Variants in APOA5 observed in about 807,000 individuals in gnomAD.
APOA5 encodes the protein apolipoprotein A5, also known as apolipoprotein A-V.
In APOA5, 26 loss-of-function variants were observed where a neutral mutation model predicts 31.8. The observed-to-expected ratio is 0.82, with a 90% CI of 0.60 to 1.13. The LOEUF is 1.13. Ranked by LOEUF, APOA5 falls within the 50% of genes most tolerant of loss-of-function variation. The pLI is 0.00. For missense variants in APOA5, 450 were observed against 488.0 expected, an observed-to-expected ratio of 0.92 and a Z score of 0.73; for synonymous variants, 186 against 198.5, an observed-to-expected ratio of 0.94 and a Z score of 0.53.
chr11:116,791,801 C>T lies in APOA5; in HGVS notation c.49+11G>A. 2 of 1,614,180 alleles carry T rather than the reference C, an allele frequency of 1.2e-6. No homozygotes were observed. The highest frequency in any genetic ancestry group is 1.7e-6 in the Non-Finnish European group (2 of 1,180,036). ...CACACCCCCACGTTGAAGTCAGGGTCGGAGACCCACCTGAAAGAAGAGCCA... is the reference window on the plus strand; with the variant it reads ...CACACCCCCACGTTGAAGTCAGGGTTGGAGACCCACCTGAAAGAAGAGCCA... On this transcript the variant is annotated intron_variant, in intron 1 of 2. Coordinates refer to ENST00000227665, the MANE Select transcript of APOA5 (RefSeq NM_001371904.1).
chr11:116,790,041 C>G lies in APOA5; in HGVS notation c.*87G>C. The G allele has an allele frequency of 1.4e-6, 2 of 1,444,018 alleles. No individual in the cohort carries two copies. Among genetic ancestry groups the G allele is most frequent in the Non-Finnish European group, 1.9e-6 (2 of 1,048,104 alleles). 89.5% of individuals were successfully genotyped at this position (1,444,018 alleles called of 1,614,324 possible). ...GACCTTCCACCCTCCACCCAACAGG[C>G]CACTTTCAAGGACTGAACCATGCTA... On this transcript the variant is annotated 3_prime_UTR_variant, in exon 3 of 3. Coordinates refer to ENST00000227665, the MANE Select transcript of APOA5 (RefSeq NM_001371904.1).
rs1940970525 is a variant in APOA5 at position 116,790,224 on chromosome 11, C to G, written c.1005G>C (p.Lys335Asn). The change falls in exon 3 of 3, where the codon AAG becomes AAC. Residue 335 changes from lysine (K) to asparagine (N), a missense_variant. Physicochemically the swap from Lys to Asn is moderately conservative, Grantham distance 94. Transcript: ENST00000227665. Reference protein sequence around the residue: ...APEFQQTDSGKVLSKLQARLD... With the variant: ...APEFQQTDSGNVLSKLQARLD... The stretch of plus-strand genomic sequence containing the variant: ...GACGGGCCTGCAGCTTGCTCAGAAC[C>G]TTGCCACTGTCTGTTTGTTGAAACT... 2 of 1,614,272 alleles carry G rather than the reference C, an allele frequency of 1.2e-6. No homozygotes were observed. The highest frequency in any genetic ancestry group is 2.2e-5 in the East Asian group (1 of 44,884).
Position 116,790,730 on chromosome 11 carries a change from C to G in APOA5, c.499G>C (p.Asp167His). 1 of 1,613,118 alleles carries G rather than the reference C, an allele frequency of 6.2e-7. No homozygotes were observed. The highest frequency in any genetic ancestry group is 8.5e-7 in the Non-Finnish European group (1 of 1,179,968). Residue 167 changes from aspartate (D) to histidine (H), a missense_variant, in exon 3 of 3, where the codon GAC becomes CAC. Physicochemically the swap from Asp to His is moderately conservative, Grantham distance 81 (BLOSUM62 -1). Coordinates refer to ENST00000227665, the MANE Select transcript of APOA5 (RefSeq NM_001371904.1). ...CCCTGCAGCAAAGCCCAAGCCTCGTCCACGCCCCCCAGCAACTGGGCCTTG... is the reference window on the plus strand; with the variant it reads ...CCCTGCAGCAAAGCCCAAGCCTCGTGCACGCCCCCCAGCAACTGGGCCTTG... ...DTKAQLLGGV[D>H]EAWALLQGLQ...
chr11:116,790,869 C>G lies in APOA5; in HGVS notation c.360G>C (p.Trp120Cys), dbSNP rs770946707. The G allele has an allele frequency of 1.9e-6, 3 of 1,613,786 alleles. No individual in the cohort carries two copies. In the Admixed American group the frequency reaches 5.0e-5, roughly 27 times the overall value. Residue 120 changes from tryptophan (W) to cysteine (C), a missense_variant, in exon 3 of 3, where the codon TGG becomes TGC. Coordinates refer to ENST00000227665, the MANE Select transcript of APOA5 (RefSeq NM_001371904.1). ...YMAEAHELVG[W>C]NLEGLRQQLK... The stretch of plus-strand genomic sequence containing the variant: ...GTTGCTGCCGCAAGCCCTCCAAATT[C>G]CAGCCCACCAGCTCGTGCGCCTCTG...
chr11:116,790,360 T>C lies in APOA5; in HGVS notation c.869A>G (p.Gln290Arg). ...EVRQRLQAFR[Q>R]DTYLQIAAFT... The stretch of plus-strand genomic sequence containing the variant: ...GGCAGCTATCTGCAGGTAGGTGTCC[T>C]GGCGGAAAGCCTGAAGTCGCTGGCG... Residue 290 changes from glutamine (Q) to arginine (R), a missense_variant, in exon 3 of 3, where the codon CAG becomes CGG. Gln to Arg is a conservative substitution (Grantham distance 43). Coordinates refer to ENST00000227665, the MANE Select transcript of APOA5 (RefSeq NM_001371904.1). The C allele has an allele frequency of 6.2e-7, 1 of 1,613,794 alleles. No individual in the cohort carries two copies. Among genetic ancestry groups the C allele is most frequent in the South Asian group, 1.1e-5 (1 of 91,092 alleles).
At chr11:116,791,206 A>C (rs1941004921) in intron 2 of APOA5, 139 bp from the exon 3 acceptor site, 1 of 773,910 alleles carries the variant, frequency 1.3e-6, no homozygotes, top group South Asian at 1.5e-5. Context: ...CTCTTGTCCT[A>C]GCCCTGGCCA....
chr11:116,791,879 A>G lies in APOA5; in HGVS notation c.-19T>C, dbSNP rs1435609924. The G allele has an allele frequency of 6.2e-7, 1 of 1,613,924 alleles. No individual in the cohort carries two copies. Among genetic ancestry groups the G allele is most frequent in the Non-Finnish European group, 8.5e-7 (1 of 1,179,872 alleles). On this transcript the variant is annotated 5_prime_UTR_variant, in exon 1 of 3. Coordinates refer to ENST00000227665, the MANE Select transcript of APOA5 (RefSeq NM_001371904.1). ...TTGCCATTACCTGCTCTGAGAAGAC[A>G]GGTGGAGGGAGGCCTGGTTAGGGGA...
At position 116,790,154 on chromosome 11, in the gene APOA5, C is replaced by T. The variant is rs774294731; in HGVS notation, c.1075G>A (p.Gly359Ser). 1 of 1,614,112 alleles carries T rather than the reference C, an allele frequency of 6.2e-7. No individual in the cohort carries two copies. Among genetic ancestry groups the T allele is most frequent in the African/African-American group, 1.3e-5 (1 of 74,950 alleles). ...EDITHSLHDQ[G>S]HSHLGDP is the part of the protein sequence containing the mutation. ...CAGGGGTCCCCCAGATGGCTGTGGC[C>T]CTGGTCATGAAGGCTGTGAGTGATG... Residue 359 changes from glycine to serine, a missense_variant, in exon 3 of 3, where the codon GGC (glycine) becomes AGC (serine). Transcript: ENST00000227665.
In APOA5 at chr11:116,791,658, T is replaced by A. The variant is rs1941015800; in HGVS notation, c.89A>T (p.Tyr30Phe). ...TTTGTCCCCGCTGGTCTGGCTGAAG[T>A]AGTCCCAGAAGCCTTTCCGTGCCTG... ...ATQARKGFWD[Y>F]FSQTSGDKGR... The change falls in exon 2 of 3, where the codon TAC becomes TTC. Residue 30 changes from tyrosine (Y) to phenylalanine (F), a missense_variant. Coordinates refer to ENST00000227665, the MANE Select transcript of APOA5 (RefSeq NM_001371904.1). The A allele has an allele frequency of 6.2e-7, 1 of 1,610,752 alleles. No homozygotes were observed. The highest frequency in any genetic ancestry group is 1.3e-5 in the African/African-American group (1 of 74,836).
At chr11:116,792,128 T>C (rs1187008534), upstream of APOA5, among the ~76,000 whole-genome samples, 1 of 152,122 alleles carries the variant, frequency 6.6e-6, no homozygotes, top group Non-Finnish European at 1.5e-5. Flanking sequence ...CGTGGTGCTC[T>C]AACCCCTTCG....
chr11:116,790,955 T>G lies in APOA5; in HGVS notation c.274A>C (p.Met92Leu). Residue 92 changes from methionine (M) to leucine (L), a missense_variant, in exon 3 of 3, where the codon ATG becomes CTG. By Grantham distance (15) the Met-to-Leu change is conservative. Coordinates refer to ENST00000227665, the MANE Select transcript of APOA5 (RefSeq NM_001371904.1). ...APRLPQDPVGMRRQLQEELEE... is the reference protein window; with the variant it reads ...APRLPQDPVGLRRQLQEELEE... ...AACTCCTCCTGCAGCTGCCGCCGCA[T>G]GCCCACCGGGTCCTGTGGGAGCCGA... 6.2e-7 allele frequency: 1 copy of G among 1,613,208 alleles called. No individual in the cohort carries two copies. Among genetic ancestry groups the G allele is most frequent in the African/African-American group, 1.3e-5 (1 of 75,070 alleles).
upstream of APOA5, chr11:116,792,409 A>T (rs1941029544): frequency 5.0e-6 from 1 of 200,560 alleles, no homozygotes; most frequent in Admixed American, 5.3e-5. Flanking sequence ...GAGAGCAGAC[A>T]TTCTGCTTTA....
At chr11:116,791,534 A>G (rs1333187027) in intron 2 of APOA5, 52 bp downstream of exon 2, 6 of 1,525,360 alleles carry the variant, frequency 3.9e-6, no homozygotes, top group East Asian at 4.9e-5. Context: ...TCATCATGGC[A>G]TGGCCCAGCT....
At chr11:116,791,144 CTG>C (rs1565325286) in intron 2 of APOA5, 77 bp from the exon 3 acceptor site, 1 of 1,299,892 alleles carries the variant, frequency 7.7e-7, no homozygotes, top group East Asian at 2.5e-5. Flanking sequence ...TCATCGCGCA[CTG>C]ATCCTCTGGG....
Position 116,789,734 on chromosome 11 carries a change from A to G in APOA5, c.*394T>C, listed in dbSNP as rs33984246. On this transcript the variant is annotated 3_prime_UTR_variant, in exon 3 of 3. Transcript: ENST00000227665. ...CTGTGGACCAGCTGTAGCAGTGGCC[A>G]CCAGGCAGCCAGAAGTGACTAGAGC... 0.046 allele frequency: 15,189 copies of G among 331,530 alleles called. 606 individuals carry two copies. Among genetic ancestry groups the G allele is most frequent in the East Asian group, 0.14 (1,813 of 13,146 alleles). The allele number at this position is 331,530 out of a possible 1,614,324, so 20.5% of individuals were successfully genotyped here. A position where few individuals can be genotyped will look rare whatever the true frequency, so the allele number is the denominator to read the frequency against.
chr11:116,791,782 C>T (rs1290606222), intron 1 of APOA5, 30 bp downstream of exon 1: 2 of 1,614,094 alleles, frequency 1.2e-6, no homozygotes, highest in Admixed American at 1.7e-5. Context: ...CACCCACACC[C>T]CCACGTTGAA....
chr11:116,791,541 A>G (rs942921739), intron 2 of APOA5, 45 bp downstream of exon 2: 30 of 1,542,248 alleles, frequency 1.9e-5, no homozygotes, highest in Non-Finnish European at 2.4e-5. Context: ...GGCATGGCCC[A>G]GCTGTCTCCT....
chr11:116,791,072 A>T lies in APOA5; in HGVS notation c.162-5T>A. The stretch of plus-strand genomic sequence containing the variant: ...TCAAGGCTGTCTTTCAGGGTCCTGG[A>T]GAAGGGGACAGATATCCAGGCCGTC... On this transcript the variant is annotated splice_polypyrimidine_tract_variant and splice_region_variant and intron_variant, in intron 2 of 2. Coordinates refer to ENST00000227665, the MANE Select transcript of APOA5 (RefSeq NM_001371904.1). 1 of 1,604,846 alleles carries T rather than the reference A, an allele frequency of 6.2e-7. No homozygotes were observed. Among genetic ancestry groups the T allele is most frequent in the Non-Finnish European group, 8.5e-7 (1 of 1,176,722 alleles).
At chr11:116,791,312 G>T (rs1441519302) in intron 2 of APOA5, 3 of 696,358 alleles carry the variant, frequency 4.3e-6, no homozygotes, top group Non-Finnish European at 7.8e-6. Flanking sequence ...ATCATCCTTT[G>T]ATTCTGGGGA....
Sources: gnomAD v4.1 joint callset for allele counts (sites outside exome capture counted in the v4.1 genomes callset) on GRCh38, gnomAD v4.1.1 for gene constraint, MANE v1.5 for transcripts, NCBI Gene and HGNC (gene_info 2026-07-23, HGNC 2026-07-21) for gene names.